CNBD1: variants seen among roughly 807,000 people sequenced by gnomAD.
CNBD1 encodes cyclic nucleotide-binding domain-containing protein 1.
Under a neutral mutation model 54.4 loss-of-function variants are expected in CNBD1, and 71 were observed. That is an observed-to-expected ratio of 1.30 (90% CI 1.08 to 1.59). CNBD1 has a LOEUF of 1.59. Among genes scored for constraint, CNBD1 ranks in the 40% most tolerant of loss-of-function variants. CNBD1 has a pLI of 0.00. For synonymous variants in CNBD1, 182 were observed against 170.7 expected (o/e 1.07, Z -0.51); for missense variants, 659 against 518.0 (o/e 1.27, Z -2.64).
At chr8:87,013,688 A>G in intron 4 of CNBD1, among the ~76,000 whole-genome samples, 1 of 150,412 alleles carries the variant, frequency 6.6e-6, no homozygotes, top group Non-Finnish European at 1.5e-5. Flanking sequence ...TGGCTAAAGT[A>G]CTAAAGTAAA....
chr8:87,303,113 C>T (rs1222769602), intron 8 of CNBD1, among the ~76,000 whole-genome samples: 1 of 152,024 alleles, frequency 6.6e-6, no homozygotes, highest in African/African-American at 2.4e-5. Context: ...CAATGATTTT[C>T]TTCACAGAAT....
chr8:87,378,718 G>A (rs1199648582), intron 10 of CNBD1, among the ~76,000 whole-genome samples: 2 of 151,076 alleles, frequency 1.3e-5, no homozygotes, highest in African/African-American at 2.5e-5. Context: ...GATGGAGATG[G>A]CATTGAATCT....
intron 6 of CNBD1, among the ~76,000 whole-genome samples, chr8:87,243,101 T>C (rs1043752532): frequency 6.6e-6 from 1 of 152,218 alleles, no homozygotes. Flanking sequence ...ACCTGTGTTA[T>C]CAGCACAACC....
intron 4 of CNBD1, among the ~76,000 whole-genome samples, chr8:86,998,271 T>C: frequency 6.6e-6 from 1 of 151,978 alleles, no homozygotes; most frequent in East Asian, 1.9e-4. Context: ...GGCAACACCA[T>C]AATTCATGCC....
chr8:87,295,631 C>T (rs1415275562), intron 8 of CNBD1, among the ~76,000 whole-genome samples: 1 of 152,034 alleles, frequency 6.6e-6, no homozygotes, highest in Non-Finnish European at 1.5e-5. Context: ...CTTTTCTCTA[C>T]CTCTTTCTAC....
intron 4 of CNBD1, among the ~76,000 whole-genome samples, chr8:87,203,927 T>C (rs1218667110): frequency 6.6e-6 from 1 of 152,198 alleles, no homozygotes; most frequent in Non-Finnish European, 1.5e-5. Context: ...TTTGCTGGGC[T>C]AGTATTGTAA....
At chr8:87,132,808 C>CACAT (rs1554558467) in intron 4 of CNBD1, among the ~76,000 whole-genome samples, 7 of 145,390 alleles carry the variant, frequency 4.8e-5, no homozygotes, top group African/African-American at 1.8e-4. Context: ...TATATATATA[C>CACAT]ATATATATAT....
chr8:86,960,225 C>T (rs1025727943), intron 4 of CNBD1, among the ~76,000 whole-genome samples: 2 of 152,166 alleles, frequency 1.3e-5, no homozygotes, highest in Non-Finnish European at 2.9e-5. Flanking sequence ...AGGGAATTCC[C>T]TTTACTAGCC....
intron 4 of CNBD1, among the ~76,000 whole-genome samples, chr8:87,140,221 C>T (rs1450059299): frequency 6.6e-6 from 1 of 152,168 alleles, no homozygotes; most frequent in African/African-American, 2.4e-5. Flanking sequence ...TTCTCTCTCT[C>T]TCTCTCTCTG....
chr8:87,262,662 A>T (rs1808166554), intron 6 of CNBD1, among the ~76,000 whole-genome samples: 1 of 152,186 alleles, frequency 6.6e-6, no homozygotes, highest in African/African-American at 2.4e-5. Flanking sequence ...GCTTTGAAGA[A>T]TTCCTAGTCT....
At chr8:87,424,042 A>T (rs909029774) in intron 2 of CNBD1, among the ~76,000 whole-genome samples, 6 of 152,160 alleles carry the variant, frequency 3.9e-5, no homozygotes, top group African/African-American at 1.4e-4. Flanking sequence ...CATTTCTTCT[A>T]GATTTTCTAG....
chr8:87,381,623 T>C (rs1811076823), intron 10 of CNBD1, among the ~76,000 whole-genome samples: 1 of 151,966 alleles, frequency 6.6e-6, no homozygotes, highest in Admixed American at 6.6e-5. Flanking sequence ...GGGAAATCTA[T>C]TGACAGATAA....
At chr8:87,281,101 A>C (rs1457727070) in intron 6 of CNBD1, among the ~76,000 whole-genome samples, 1 of 151,632 alleles carries the variant, frequency 6.6e-6, no homozygotes, top group Non-Finnish European at 1.5e-5. Context: ...TATTACCTGC[A>C]GTTTTCGGAT....
chr8:86,953,701 CTACAACAA>C (rs370550570), intron 4 of CNBD1, among the ~76,000 whole-genome samples: 5 of 152,022 alleles, frequency 3.3e-5, no homozygotes, highest in Non-Finnish European at 7.4e-5. Flanking sequence ...ACCCCTGTCT[CTACAACAA>C]TACAAAAATT....
At chr8:87,275,860 G>A (rs953740514) in intron 6 of CNBD1, among the ~76,000 whole-genome samples, 5 of 151,722 alleles carry the variant, frequency 3.3e-5, no homozygotes, top group Non-Finnish European at 7.4e-5. Context: ...AAGCTGATAA[G>A]CAACTTCAGC....
chr8:87,423,037 T>C (rs1267845070), intron 2 of CNBD1, among the ~76,000 whole-genome samples: 2 of 151,944 alleles, frequency 1.3e-5, no homozygotes, highest in Non-Finnish European at 2.9e-5. Context: ...TTTGAAGCAA[T>C]TGTGAAAGGG....
chr8:87,001,883 G>A (rs1032437087), intron 4 of CNBD1, among the ~76,000 whole-genome samples: 9 of 152,062 alleles, frequency 5.9e-5, no homozygotes, highest in Non-Finnish European at 1.2e-4. Context: ...TATCAATGAA[G>A]TGTTCACTAC....
At chr8:87,149,632 T>C (rs1264642486) in intron 4 of CNBD1, among the ~76,000 whole-genome samples, 1 of 152,146 alleles carries the variant, frequency 6.6e-6, no homozygotes, top group African/African-American at 2.4e-5. Context: ...GCATATATAA[T>C]TGGACTTGGG....
chr8:87,425,853 C>A (rs1367047950), intron 2 of CNBD1, among the ~76,000 whole-genome samples: 1 of 152,082 alleles, frequency 6.6e-6, no homozygotes, highest in Non-Finnish European at 1.5e-5. Flanking sequence ...CCACCCAGTT[C>A]GAGCTTCCCA....
Sources: gnomAD v4.1 joint callset for allele counts (sites outside exome capture counted in the v4.1 genomes callset) on GRCh38, gnomAD v4.1.1 for gene constraint, MANE v1.5 for transcripts, NCBI Gene and HGNC (gene_info 2026-07-23, HGNC 2026-07-21) for gene names.